POLK: variants seen among roughly 807,000 people sequenced by gnomAD.
The protein encoded by POLK is polymerase (DNA directed) kappa.
POLK carries 76 observed loss-of-function variants against 94.0 expected under a neutral mutation model. That is an observed-to-expected ratio of 0.81 (90% CI 0.67 to 0.98). POLK has a LOEUF of 0.98. Ranked by LOEUF, POLK falls within the 50% of genes least tolerant of loss-of-function variation. The pLI is 0.00. For missense variants in POLK, 954 were observed against 1,010.1 expected (o/e 0.94, Z 0.75); for synonymous variants, 349 against 325.4 (o/e 1.07, Z -0.78).
At chr5:75,546,920 G>A (rs556726745) in intron 1 of POLK, 90 bp from the exon 2 acceptor site, 347 of 544,324 alleles carry the variant, frequency 6.4e-4, no homozygotes, top group Middle Eastern at 4.0e-3. Flanking sequence ...GCCCGCCTCG[G>A]CCTCCCAAAG....
At chr5:75,526,293 T>A (rs1395673789) in intron 1 of POLK, among the ~76,000 whole-genome samples, 2 of 152,114 alleles carry the variant, frequency 1.3e-5, no homozygotes, top group African/African-American at 4.8e-5. Context: ...TCACTTTTAC[T>A]ACTGCTTTGA....
At chr5:75,556,827 C>T (rs1581010967) in intron 3 of POLK, among the ~76,000 whole-genome samples, 1 of 151,988 alleles carries the variant, frequency 6.6e-6, no homozygotes, top group African/African-American at 2.4e-5. Context: ...TTTGGGAGAC[C>T]AAGGTGGGAA....
At chr5:75,590,417 G>A (rs1181171802) in exon 11 of POLK, 2 of 1,607,944 alleles carry the variant, frequency 1.2e-6, no homozygotes. Context: ...GCTTGCTCAG[G>A]ATCTACAGAA....
downstream of POLK, among the ~76,000 whole-genome samples, chr5:75,604,332 T>C (rs1317484695): frequency 6.6e-6 from 1 of 152,132 alleles, no homozygotes; most frequent in East Asian, 1.9e-4. Flanking sequence ...AAAAACTGTT[T>C]TTGAGGAAAT....
intron 3 of POLK, among the ~76,000 whole-genome samples, chr5:75,560,762 T>C (rs949422096): frequency 6.6e-6 from 1 of 152,158 alleles, no homozygotes; most frequent in East Asian, 1.9e-4. Context: ...AGTGAGAACA[T>C]GCAGTGTTTG....
intron 10 of POLK, among the ~76,000 whole-genome samples, chr5:75,589,550 T>A (rs1334238295): frequency 6.6e-6 from 1 of 151,964 alleles, no homozygotes; most frequent in Non-Finnish European, 1.5e-5. Flanking sequence ...TCCTGGGTTC[T>A]CGCCATTCTC....
chr5:75,566,394 T>C (rs572011070), intron 3 of POLK, among the ~76,000 whole-genome samples: 12 of 152,318 alleles, frequency 7.9e-5, no homozygotes, highest in Non-Finnish European at 1.8e-4. Context: ...TCTCTGGCGT[T>C]CAGGCACCAC....
chr5:75,530,245 CT>C (rs575507126), intron 1 of POLK, among the ~76,000 whole-genome samples: 535 of 95,934 alleles, frequency 5.6e-3, no homozygotes, highest in African/African-American at 0.012. Context: ...ATTTGTATTT[CT>C]TTTTTTTTTT....
chr5:75,536,508 C>G (rs1259387736), intron 1 of POLK, among the ~76,000 whole-genome samples: 1 of 151,978 alleles, frequency 6.6e-6, no homozygotes, highest in Non-Finnish European at 1.5e-5. Context: ...TCCATGGCAA[C>G]AGGAGGCTGT....
chr5:75,537,560 C>T (rs924163284), intron 1 of POLK, among the ~76,000 whole-genome samples: 1 of 152,166 alleles, frequency 6.6e-6, no homozygotes. Flanking sequence ...GAGAGCAATG[C>T]GCATGAGCTG....
At chr5:75,576,906 A>T in exon 6 of POLK, 1 of 1,571,240 alleles carries the variant, frequency 6.4e-7, no homozygotes, top group Non-Finnish European at 8.6e-7. Flanking sequence ...AAGGTATTTC[A>T]TCAAAATGGG....
chr5:75,560,077 A>T (rs1417624352), intron 3 of POLK, among the ~76,000 whole-genome samples: 1 of 152,198 alleles, frequency 6.6e-6, no homozygotes, highest in Non-Finnish European at 1.5e-5. Flanking sequence ...TAACATAATC[A>T]AAAACAGACT....
At chr5:75,558,563 A>T (rs1389675669) in intron 3 of POLK, among the ~76,000 whole-genome samples, 1 of 152,224 alleles carries the variant, frequency 6.6e-6, no homozygotes, top group East Asian at 1.9e-4. Flanking sequence ...TCTTCTAATC[A>T]ATTCAGTCTT....
intron 2 of POLK, among the ~76,000 whole-genome samples, chr5:75,548,349 A>G (rs1488121137): frequency 6.6e-6 from 1 of 152,076 alleles, no homozygotes; most frequent in Non-Finnish European, 1.5e-5. Context: ...TCTCCTGTTC[A>G]GAAATTTTTT....
intron 1 of POLK, among the ~76,000 whole-genome samples, chr5:75,536,114 A>G (rs1769431478): frequency 6.6e-6 from 1 of 151,434 alleles, no homozygotes; most frequent in South Asian, 2.1e-4. Context: ...CTTTGGATGG[A>G]TTTTTTTGCT....
intron 6 of POLK, among the ~76,000 whole-genome samples, chr5:75,579,761 T>C (rs1310647343): frequency 6.6e-6 from 1 of 151,900 alleles, no homozygotes; most frequent in African/African-American, 2.4e-5. Flanking sequence ...AAATAAGGCT[T>C]ATTGGCGAGG....
chr5:75,563,837 T>C (rs1006789025), intron 3 of POLK, among the ~76,000 whole-genome samples: 3 of 152,172 alleles, frequency 2.0e-5, no homozygotes, highest in African/African-American at 7.2e-5. Context: ...TTTAGAATAA[T>C]TGCGATGTGT....
chr5:75,535,829 C>G (rs1043450800), intron 1 of POLK, among the ~76,000 whole-genome samples: 2 of 152,076 alleles, frequency 1.3e-5, no homozygotes, highest in Admixed American at 6.5e-5. Context: ...ATATAATGGC[C>G]ATTTGGTCTA....
intron 1 of POLK, among the ~76,000 whole-genome samples, chr5:75,520,805 A>T (rs1047280056): frequency 6.6e-6 from 1 of 152,162 alleles, no homozygotes; most frequent in Non-Finnish European, 1.5e-5. Flanking sequence ...GAGTCTGGTG[A>T]TGGTGAATTT....
Sources: gnomAD v4.1 joint callset for allele counts (sites outside exome capture counted in the v4.1 genomes callset) on GRCh38, gnomAD v4.1.1 for gene constraint, MANE v1.5 for transcripts, NCBI Gene and HGNC (gene_info 2026-07-23, HGNC 2026-07-21) for gene names.